The following CCDC88C variants were observed in gnomAD, a reference collection of about 807,000 sequenced individuals.
The protein encoded by CCDC88C is coiled-coil and HOOK domain protein 88C.
A neutral mutation model predicts 198.8 loss-of-function variants in CCDC88C; 131 were observed. That is an observed-to-expected ratio of 0.66 (90% confidence interval 0.57 to 0.76). The LOEUF (loss-of-function observed/expected upper bound fraction) is 0.76, where lower values mean the gene tolerates loss of function less well. Ranked by LOEUF, CCDC88C falls within the 30% of genes least tolerant of loss-of-function variation. CCDC88C has a pLI of 0.00. For missense variants in CCDC88C, 2,553 were observed against 2,631.6 expected, an observed-to-expected ratio of 0.97 and a Z score of 0.65; for synonymous variants, 1,166 against 1,114.7, an observed-to-expected ratio of 1.05 and a Z score of -0.92.
rs796455050 is a variant in CCDC88C, at chr14:91,381,048, G to A, written c.271-21337C>T. On this transcript the variant is annotated intron_variant, in intron 3 of 29. Transcript: ENST00000389857. This position sits in a 1 kb window ranked among gnomAD's most constrained non-coding sequence, Gnocchi z 4.2. ...TGCAAGAAAAATGGACCACAAACAG[G>A]GCTGTGAAGCAGTGTGTGCCCTGGT... Among the ~76,000 whole-genome samples, 4 of 152,268 alleles carry A rather than the reference G, an allele frequency of 2.6e-5. No individual in the cohort carries two copies. Among genetic ancestry groups the A allele is most frequent in the African/African-American group, 7.2e-5 (3 of 41,536 alleles).
intron 2 of CCDC88C, among the ~76,000 whole-genome samples, chr14:91,411,962 CAAA>C (rs35255337): frequency 5.1e-5 from 5 of 97,820 alleles, no homozygotes; most frequent in Non-Finnish European, 2.3e-5. Flanking sequence ...GACTCCATCT[CAAA>C]AAAAAAAAAA....
chr14:91,407,631 T>C (rs138804942), intron 3 of CCDC88C, among the ~76,000 whole-genome samples: 68 of 152,110 alleles, frequency 4.5e-4, no homozygotes, highest in Middle Eastern at 3.4e-3. Flanking sequence ...AAAAATCATA[T>C]GGGGGGAACG....
chr14:91,320,458 C>T (rs1892309539), intron 13 of CCDC88C, among the ~76,000 whole-genome samples: 2 of 152,256 alleles, frequency 1.3e-5, no homozygotes, highest in Admixed American at 1.3e-4. Context: ...CCCTGTGCAT[C>T]TGTTCTGCCT....
intron 3 of CCDC88C, among the ~76,000 whole-genome samples, chr14:91,366,722 G>A (rs1894559918): frequency 1.3e-5 from 2 of 152,194 alleles, no homozygotes; most frequent in South Asian, 4.1e-4. Flanking sequence ...TGGGAGCCAG[G>A]AGCACCCAAG....
rs1891759561 is a variant in CCDC88C, at chr14:91,310,218, TG to T, written c.2737-233del. 2.0e-5 allele frequency among the ~76,000 whole-genome samples: 3 copies of T among 151,896 alleles called. No individual in the cohort carries two copies. The South Asian group carries it at 6.2e-4, about 32-fold the overall frequency. The stretch of plus-strand genomic sequence containing the variant: ...CAGACCAGGTGGCTACATGTCAGGA[TG>T]GATCTAATATGCCACTTCTCTAAGT... On this transcript the variant is annotated intron_variant, in intron 15 of 29. Transcript: ENST00000389857.
intron 21 of CCDC88C, among the ~76,000 whole-genome samples, 167 bp downstream of exon 21, chr14:91,299,760 A>G (rs776523898): frequency 6.6e-6 from 1 of 152,224 alleles, no homozygotes; most frequent in Admixed American, 6.5e-5. Context: ...GCCAGCAACC[A>G]GCTAGAGTTG....
chr14:91,326,090 A>T lies in CCDC88C; in HGVS notation c.1051-34T>A. 2.5e-6 allele frequency: 4 copies of T among 1,592,962 alleles called. No homozygotes were observed. The Middle Eastern group carries it at 5.0e-4, about 198-fold the overall frequency. Reference sequence around the variant, plus strand: ...CAAAAACATACATGAGAACCATCAGATAAAGGCACCTGGGTCATTAGGATG... The same window carrying T: ...CAAAAACATACATGAGAACCATCAGTTAAAGGCACCTGGGTCATTAGGATG... On this transcript the variant is annotated intron_variant, in intron 10 of 29. Coordinates refer to ENST00000389857, the MANE Select transcript of CCDC88C (RefSeq NM_001080414.4).
At chr14:91,366,898 C>T (rs1567101736) in intron 3 of CCDC88C, among the ~76,000 whole-genome samples, 1 of 152,208 alleles carries the variant, frequency 6.6e-6, no homozygotes, top group South Asian at 2.1e-4. Flanking sequence ...AGGGCCATCT[C>T]AACCACTGTG....
At chr14:91,287,636 C>CT (rs71120129) in intron 25 of CCDC88C, among the ~76,000 whole-genome samples, 8,754 of 75,708 alleles carry the variant, frequency 0.12, 1,321 homozygotes, top group African/African-American at 0.2. Context: ...TGCACCAGGT[C>CT]TTTTTTTTTT....
chr14:91,380,375 G>A (rs2032333554), intron 3 of CCDC88C, among the ~76,000 whole-genome samples: 1 of 152,086 alleles, frequency 6.6e-6, no homozygotes, highest in South Asian at 2.1e-4. Flanking sequence ...CTCTCAATAG[G>A]TAAATCAGTT....
At chr14:91,275,195 C>T (rs1889902435) in intron 29 of CCDC88C, among the ~76,000 whole-genome samples, 1 of 152,114 alleles carries the variant, frequency 6.6e-6, no homozygotes, top group African/African-American at 2.4e-5. Flanking sequence ...TGCCAGACAT[C>T]AGCTTTCAAC....
At position 91,350,641 on chromosome 14, in the gene CCDC88C, C is replaced by T. The variant is rs117376313; in HGVS notation, c.341-6984G>A. Among the ~76,000 whole-genome samples the T allele has an allele frequency of 1.4e-4, 22 of 152,290 alleles. No individual in the cohort carries two copies. The East Asian group carries it at 2.9e-3, about 20-fold the overall frequency. ...AGGCACAGTGATGTCTCTCCACAGA[C>T]GAACAGGGGTCAGAGATAAAGCAGT... On this transcript the variant is annotated intron_variant, in intron 4 of 29. Transcript: ENST00000389857.
intron 29 of CCDC88C, among the ~76,000 whole-genome samples, chr14:91,275,861 G>A (rs1345452660): frequency 4.4e-5 from 5 of 114,028 alleles, no homozygotes; most frequent in Admixed American, 2.5e-4. Flanking sequence ...TCGCTCTGTC[G>A]CCCAGGCTGG....
intron 10 of CCDC88C, among the ~76,000 whole-genome samples, chr14:91,333,900 G>A (rs1218552883): frequency 6.6e-6 from 1 of 152,252 alleles, no homozygotes; most frequent in Non-Finnish European, 1.5e-5. Flanking sequence ...AAACTGATCA[G>A]TATTTTTAAC....
intron 3 of CCDC88C, among the ~76,000 whole-genome samples, chr14:91,378,376 G>A (rs1449639867): frequency 1.3e-5 from 2 of 152,178 alleles, no homozygotes; most frequent in Non-Finnish European, 2.9e-5. Context: ...CTTGGGGCCC[G>A]GGGAGCGCTG....
chr14:91,365,379 C>T (rs1172232815), intron 3 of CCDC88C, among the ~76,000 whole-genome samples: 2 of 152,224 alleles, frequency 1.3e-5, no homozygotes, highest in Non-Finnish European at 2.9e-5. Flanking sequence ...TCTCCACCTA[C>T]GGTGGCCCCT....
At chr14:91,304,316 C>T (rs1891469771) in intron 19 of CCDC88C, among the ~76,000 whole-genome samples, 2 of 152,182 alleles carry the variant, frequency 1.3e-5, no homozygotes, top group South Asian at 2.1e-4. Context: ...ACTGTGGTGG[C>T]TCAGGCTTGT....
intron 25 of CCDC88C, chr14:91,285,551 G>T: frequency 1.1e-6 from 1 of 913,794 alleles, no homozygotes; most frequent in Non-Finnish European, 1.5e-6. Context: ...TGAAATTGGG[G>T]GCAGGAGGAG....
At chr14:91,358,265 G>A (rs879599407) in intron 4 of CCDC88C, among the ~76,000 whole-genome samples, 12 of 152,184 alleles carry the variant, frequency 7.9e-5, no homozygotes, top group Non-Finnish European at 1.6e-4. Flanking sequence ...GAGAGGGGAT[G>A]GCCAGGCTGC....
Sources: gnomAD v4.1 joint callset for allele counts (sites outside exome capture counted in the v4.1 genomes callset) on GRCh38, gnomAD v4.1.1 for gene constraint, Gnocchi (gnomAD v3.1) non-coding constraint, MANE v1.5 for transcripts, NCBI Gene and HGNC (gene_info 2026-07-23, HGNC 2026-07-21) for gene names.